The following DUSP10 variants were observed in gnomAD, a reference collection of about 807,000 sequenced individuals.
The protein encoded by DUSP10 is dual specificity phosphatase 10.
In DUSP10, 14 loss-of-function variants were observed where a neutral mutation model predicts 30.8. The observed-to-expected ratio is 0.46, with a 90% CI of 0.30 to 0.71. DUSP10 has a LOEUF of 0.71. Ranked by LOEUF, DUSP10 falls within the 30% of genes least tolerant of loss-of-function variation. The pLI is 0.08. For synonymous variants in DUSP10, 254 were observed against 250.4 expected, an observed-to-expected ratio of 1.01 and a Z score of -0.14; for missense variants, 550 against 619.4, an observed-to-expected ratio of 0.89 and a Z score of 1.19.
Position 221,739,226 on chromosome 1 carries a change from G to C in DUSP10, c.519C>G (p.Val173=). The change falls in exon 2 of 4, where the codon GTC becomes GTG. Residue 173 remains valine (V), a synonymous_variant. Transcript: ENST00000366899. ...CCATGAAGGGCCTGCAGTCAATGAT[G>C]ACAGGGCCCTGACTCGGCAGGTGAC... ...SKSHLPSQGP[V]IIDCRPFMEY... 6.2e-7 allele frequency: 1 copy of C among 1,614,198 alleles called. No homozygotes were observed. Among genetic ancestry groups the C allele is most frequent in the Non-Finnish European group, 8.5e-7 (1 of 1,180,040 alleles).
At chr1:221,725,175 A>G (rs1370631379) in intron 2 of DUSP10, among the ~76,000 whole-genome samples, 1 of 152,144 alleles carries the variant, frequency 6.6e-6, no homozygotes, top group African/African-American at 2.4e-5. Flanking sequence ...GCACCCAGCC[A>G]ATCACTCACT....
At chr1:221,727,767 A>T (rs1005185305) in intron 2 of DUSP10, among the ~76,000 whole-genome samples, 6 of 152,194 alleles carry the variant, frequency 3.9e-5, no homozygotes, top group African/African-American at 1.4e-4. Context: ...AGAATAAAAA[A>T]TGCTCAGATT....
Position 221,702,129 on chromosome 1 carries a change from GA to G in DUSP10, c.*282del. On this transcript the variant is annotated 3_prime_UTR_variant, in exon 4 of 4. Coordinates refer to ENST00000366899, the MANE Select transcript of DUSP10 (RefSeq NM_007207.6). The surrounding 1 kb of genome is among the most constrained non-coding windows in gnomAD (Gnocchi z 4.5). ...ATAAACTCTACAAATAGCTTAAAAG[GA>G]AAAGGGGGAGAAACAAGTTGTATTA... The G allele has an allele frequency of 2.6e-6, 1 of 381,210 alleles. No individual in the cohort carries two copies. Among genetic ancestry groups the G allele is most frequent in the Non-Finnish European group, 4.8e-6 (1 of 208,046 alleles). The allele number at this position is 381,210 out of a possible 1,614,324, so 23.6% of individuals were successfully genotyped here.
chr1:221,702,804 A>C lies in DUSP10; in HGVS notation c.1184-127T>G, dbSNP rs1463520831. The C allele has an allele frequency of 9.9e-7, 1 of 1,010,334 alleles. No homozygotes were observed. The highest frequency in any genetic ancestry group is 1.6e-5 in the African/African-American group (1 of 61,508). 62.6% of individuals were successfully genotyped at this position (1,010,334 alleles called of 1,614,324 possible). ...AAATAATGAATTAAAACAGTTTTAA[A>C]GCCAAGTATAATCCACTAGTTCATT... On this transcript the variant is annotated intron_variant, in intron 3 of 3. Coordinates refer to ENST00000366899, the MANE Select transcript of DUSP10 (RefSeq NM_007207.6). The surrounding 1 kb of genome is among the most constrained non-coding windows in gnomAD (Gnocchi z 4.5).
chr1:221,715,963 A>C, intron 2 of DUSP10, among the ~76,000 whole-genome samples: 8 of 135,002 alleles, frequency 5.9e-5, no homozygotes, highest in Non-Finnish European at 8.0e-5. Context: ...TCTCCTCCCC[A>C]ACTCTTGCTC....
intron 3 of DUSP10, among the ~76,000 whole-genome samples, chr1:221,703,162 T>C (rs1171896239): frequency 1.3e-4 from 19 of 151,516 alleles, no homozygotes. Context: ...CACATGAAAA[T>C]ATACACTCAC....
At chr1:221,709,340 A>C (rs980591197) in intron 2 of DUSP10, among the ~76,000 whole-genome samples, 9 of 150,702 alleles carry the variant, frequency 6.0e-5, no homozygotes, top group African/African-American at 4.9e-5. Flanking sequence ...GAGTGGGGGG[A>C]GGAGGGAATT....
chr1:221,739,686 G>C lies in DUSP10; in HGVS notation c.59C>G (p.Pro20Arg). The C allele has an allele frequency of 6.2e-7, 1 of 1,613,944 alleles. No homozygotes were observed. The highest frequency in any genetic ancestry group is 8.5e-7 in the Non-Finnish European group (1 of 1,179,936). ...VVVALSRPVR[P>R]QDLNLCLDSS... ...GTCTAAACAAAGGTTGAGATCCTGA[G>C]GTCGGACGGGCCTAGATAGTGCCAC... The change falls in exon 2 of 4, where the codon CCT becomes CGT. Residue 20 changes from proline to arginine, a missense_variant. Coordinates refer to ENST00000366899, the MANE Select transcript of DUSP10 (RefSeq NM_007207.6).
intron 2 of DUSP10, chr1:221,711,830 A>G (rs992812885): frequency 6.6e-6 from 1 of 152,224 alleles, no homozygotes; most frequent in African/African-American, 2.4e-5. Context: ...GAACAGATGG[A>G]TGCTATGATA....
At chr1:221,718,550 C>T (rs1454271467) in intron 2 of DUSP10, among the ~76,000 whole-genome samples, 1 of 152,154 alleles carries the variant, frequency 6.6e-6, no homozygotes, top group African/African-American at 2.4e-5. Flanking sequence ...CCATATTTCT[C>T]CCGAGAGCTC....
chr1:221,706,515 CAGAG>C lies in DUSP10; in HGVS notation c.812-53_812-50del, dbSNP rs779378349. The C allele has an allele frequency of 2.9e-6, 4 of 1,390,872 alleles. No individual in the cohort carries two copies. The East Asian group carries it at 1.0e-4, about 35-fold the overall frequency. The allele number at this position is 1,390,872 out of a possible 1,614,324, so 86.2% of individuals were successfully genotyped here. A position where few individuals can be genotyped will look rare whatever the true frequency, so the allele number is the denominator to read the frequency against. ...AGTGTGACTGAGATTTCAGAGCTGG[CAGAG>C]AATGCCACCTCCCCATTAGAATGAG... is the stretch of plus-strand genomic sequence containing the variant. On this transcript the variant is annotated intron_variant, in intron 2 of 3. Transcript: ENST00000366899. This position sits in a 1 kb window ranked among gnomAD's most constrained non-coding sequence, Gnocchi z 4.6.
chr1:221,739,582 C>G lies in DUSP10; in HGVS notation c.163G>C (p.Ala55Pro). The change falls in exon 2 of 4, where the codon GCT becomes CCT. Residue 55 changes from alanine to proline, a missense_variant. Coordinates refer to ENST00000366899, the MANE Select transcript of DUSP10 (RefSeq NM_007207.6). ...GAGGGCATATACGTCAGATTCGCAG[C>G]CTTGAGGGACACAACGGTGGTGGCG... Reference protein sequence around the residue: ...VIATTVVSLKAANLTYMPSSS... With the variant: ...VIATTVVSLKPANLTYMPSSS... The G allele has an allele frequency of 1.2e-6, 2 of 1,614,160 alleles. No individual in the cohort carries two copies.
chr1:221,727,731 C>T (rs1661465655), intron 2 of DUSP10, among the ~76,000 whole-genome samples: 1 of 152,126 alleles, frequency 6.6e-6, no homozygotes, highest in South Asian at 2.1e-4. Flanking sequence ...TTTAAGCTTT[C>T]TTAAAATTGA....
intron 2 of DUSP10, among the ~76,000 whole-genome samples, chr1:221,736,052 G>T (rs1661757875): frequency 6.6e-6 from 1 of 152,170 alleles, no homozygotes. Flanking sequence ...TTCTAGCATA[G>T]GTCACAACAG....
chr1:221,739,699 T>C lies in DUSP10; in HGVS notation c.46A>G (p.Arg16Gly). The change falls in exon 2 of 4, where the codon AGG becomes GGG. Residue 16 changes from arginine (R) to glycine (G), a missense_variant. By Grantham distance (125) the Arg-to-Gly change is moderately radical (BLOSUM62 -2). Transcript: ENST00000366899. Reference protein sequence around the residue: ...LDDRVVVALSRPVRPQDLNLC... With the variant: ...LDDRVVVALSGPVRPQDLNLC... ...TTGAGATCCTGAGGTCGGACGGGCC[T>C]AGATAGTGCCACTACTACCCTGTCG... is the stretch of plus-strand genomic sequence containing the variant. 1 of 1,612,884 alleles carries C rather than the reference T, an allele frequency of 6.2e-7. No homozygotes were observed. The highest frequency in any genetic ancestry group is 8.5e-7 in the Non-Finnish European group (1 of 1,179,326).
rs571660121 is a variant in DUSP10 at position 221,706,549 on chromosome 1, C to G, written c.812-83G>C. 6.8e-5 allele frequency: 69 copies of G among 1,016,552 alleles called. No individual in the cohort carries two copies. In the East Asian group the frequency reaches 1.8e-3, roughly 27 times the overall value. 63.0% of individuals were successfully genotyped at this position (1,016,552 alleles called of 1,614,324 possible). A position where few individuals can be genotyped will look rare whatever the true frequency, so the allele number is the denominator to read the frequency against. On this transcript the variant is annotated intron_variant, in intron 2 of 3. Transcript: ENST00000366899. This position sits in a 1 kb window ranked among gnomAD's most constrained non-coding sequence, Gnocchi z 4.6. ...CCACCTCCCCATTAGAATGAGTTTG[C>G]ATTGTAGCTCATGCATATTTTAAAT...
intron 1 of DUSP10, among the ~76,000 whole-genome samples, chr1:221,740,744 G>C (rs3922386): frequency 0.08 from 12,241 of 152,202 alleles, 662 homozygotes; most frequent in Middle Eastern, 0.14. Context: ...CAAGAGTACT[G>C]ATTCCGTAAA....
intron 2 of DUSP10, among the ~76,000 whole-genome samples, chr1:221,731,872 G>T (rs1405742382): frequency 6.6e-6 from 1 of 151,810 alleles, no homozygotes; most frequent in Non-Finnish European, 1.5e-5. Context: ...CTCCCAAAGT[G>T]CTGGGATTAC....
At chr1:221,734,723 G>A (rs934253662) in intron 2 of DUSP10, among the ~76,000 whole-genome samples, 8 of 152,264 alleles carry the variant, frequency 5.3e-5, no homozygotes, top group African/African-American at 1.7e-4. Flanking sequence ...GACTAGATCC[G>A]AAGTTCTGCC....
Sources: allele counts gnomAD v4.1 joint callset (sites outside exome capture counted in the v4.1 genomes callset), GRCh38; gene constraint gnomAD v4.1.1; non-coding constraint Gnocchi (gnomAD v3.1); transcripts MANE v1.5; gene names NCBI Gene and HGNC (gene_info 2026-07-23, HGNC 2026-07-21).